Variants in INTS1 observed in about 807,000 individuals in gnomAD.
INTS1 encodes the protein integrator complex subunit 1.
A neutral mutation model predicts 241.6 loss-of-function variants in INTS1; 137 were observed. That is an observed-to-expected ratio of 0.57 (90% CI 0.49 to 0.65). The LOEUF (loss-of-function observed/expected upper bound fraction) is 0.65. Among genes scored for constraint, INTS1 ranks in the 30% least tolerant of loss-of-function variants. The pLI is 0.00. For missense variants in INTS1, 3,073 were observed against 3,032.2 expected, an observed-to-expected ratio of 1.01 and a Z score of -0.32; for synonymous variants, 1,692 against 1,337.8, an observed-to-expected ratio of 1.26 and a Z score of -5.78.
At position 1,470,466 on chromosome 7, in the gene INTS1, G is replaced by A. The variant is rs1044949706; in HGVS notation, c.*111C>T. 19 of 819,902 alleles carry A rather than the reference G, an allele frequency of 2.3e-5. No individual in the cohort carries two copies. The highest frequency in any genetic ancestry group is 1.8e-4 in the African/African-American group (10 of 56,160). 50.8% of individuals were successfully genotyped at this position (819,902 alleles called of 1,614,324 possible). A position where few individuals can be genotyped will look rare whatever the true frequency, so the allele number is the denominator to read the frequency against. The stretch of plus-strand genomic sequence containing the variant: ...GGCCTGCCTGGCCTCAGGGCTCGGC[G>A]CCCTCACCTCCTCGGACAGACCAGC... On this transcript the variant is annotated 3_prime_UTR_variant, in exon 48 of 48. Coordinates refer to ENST00000404767, the MANE Select transcript of INTS1 (RefSeq NM_001080453.3).
rs747551693 is a variant in INTS1, at chr7:1,476,213, C to T, written c.5378+16G>A. On this transcript the variant is annotated intron_variant, in intron 38 of 47. Transcript: ENST00000404767. Reference sequence around the variant, plus strand: ...CTCACTCCCAGGCAGCATCTGGGGCCGGGGGGCCTGAGCACCTGTCTCCCC... The same window carrying T: ...CTCACTCCCAGGCAGCATCTGGGGCTGGGGGGCCTGAGCACCTGTCTCCCC... 46 of 1,544,510 alleles carry T rather than the reference C, an allele frequency of 3.0e-5. No individual in the cohort carries two copies. Among genetic ancestry groups the T allele is most frequent in the Middle Eastern group, 1.7e-4 (1 of 5,790 alleles).
In INTS1 at chr7:1,478,506, A is replaced by G. The variant is rs150768574; in HGVS notation, c.4490T>C (p.Val1497Ala). 27 of 1,609,694 alleles carry G rather than the reference A, an allele frequency of 1.7e-5. No homozygotes were observed. The highest frequency in any genetic ancestry group is 6.7e-5 in the East Asian group (3 of 44,816). The change falls in exon 33 of 48, where the codon GTG becomes GCG. Residue 1497 changes from valine (V) to alanine (A), a missense_variant and splice_region_variant. By Grantham distance (64) the Val-to-Ala change is moderately conservative. Coordinates refer to ENST00000404767, the MANE Select transcript of INTS1 (RefSeq NM_001080453.3). ...GGCCAGGCGCAGGAGCCCCCCTCGC[A>G]CTGTGGGAGGTCTGTGTGAGTGCCC... ...QASAGRRLSD[V>A]RGGLLRLAEA... is the part of the protein sequence containing the mutation.
chr7:1,499,433 G>A (rs375753455), intron 6 of INTS1, 40 bp downstream of exon 6: 1 of 1,564,996 alleles, frequency 6.4e-7, no homozygotes, highest in Non-Finnish European at 8.7e-7. Flanking sequence ...CTGCCCTGGG[G>A]CTTGGACACC....
Position 1,473,078 on chromosome 7 carries a change from C to T in INTS1, c.6064G>A (p.Gly2022Ser). The T allele has an allele frequency of 6.2e-7, 1 of 1,602,634 alleles. No individual in the cohort carries two copies. The highest frequency in any genetic ancestry group is 8.5e-7 in the Non-Finnish European group (1 of 1,173,002). Residue 2022 changes from glycine (G) to serine (S), a missense_variant, in exon 43 of 48, where the codon GGC (glycine) becomes AGC (serine). Physicochemically the swap from Gly to Ser is moderately conservative, Grantham distance 56. Transcript: ENST00000404767. ...CCCTGGCAGCCCCACTCACCCTCGCCCTCTTCGTCCAGGCCTCGGTCGGTC... is the reference window on the plus strand; with the variant it reads ...CCCTGGCAGCCCCACTCACCCTCGCTCTCTTCGTCCAGGCCTCGGTCGGTC... ...DRTDRGLDEE[G>S]EEESSAGSLP...
intron 23 of INTS1, 28 bp from the exon 24 acceptor site, chr7:1,485,230 A>G (rs1049265443): frequency 6.3e-7 from 1 of 1,599,360 alleles, no homozygotes; most frequent in Non-Finnish European, 8.5e-7. Context: ...CTGAGCGGCA[A>G]CAGGGCAGGG....
chr7:1,480,159 G>A (rs749331228), intron 30 of INTS1, among the ~76,000 whole-genome samples, 158 bp downstream of exon 30: 1 of 152,276 alleles, frequency 6.6e-6, no homozygotes, highest in Non-Finnish European at 1.5e-5. Context: ...GCGTGCCAGG[G>A]TCAGGCGGTC....
chr7:1,474,251 C>T lies in INTS1; in HGVS notation c.5746G>A (p.Glu1916Lys). Reference sequence around the variant, plus strand: ...CGGAACACGTGCGGCTGCAGCAGCTCCAGCAGGCCCAGCACGTGCAGGAAG... The same window carrying T: ...CGGAACACGTGCGGCTGCAGCAGCTTCAGCAGGCCCAGCACGTGCAGGAAG... ...SCFLHVLGLL[E>K]LLQPHVFRSE... Residue 1916 changes from glutamate to lysine, a missense_variant, in exon 41 of 48, where the codon GAG becomes AAG. Physicochemically the swap from Glu to Lys is moderately conservative, Grantham distance 56. Coordinates refer to ENST00000404767, the MANE Select transcript of INTS1 (RefSeq NM_001080453.3). The T allele has an allele frequency of 6.2e-7, 1 of 1,605,510 alleles. No individual in the cohort carries two copies. The highest frequency in any genetic ancestry group is 8.5e-7 in the Non-Finnish European group (1 of 1,177,604).
At chr7:1,478,252 C>A (rs375870237) in intron 33 of INTS1, 114 bp downstream of exon 33, 3 of 1,231,480 alleles carry the variant, frequency 2.4e-6, no homozygotes, top group Non-Finnish European at 3.4e-6. Flanking sequence ...GGGCACTTTC[C>A]GGGGACAGTG....
rs953806025 is a variant in INTS1, at chr7:1,497,536, G to C, written c.1426-222C>G. 6.6e-6 allele frequency among the ~76,000 whole-genome samples: 1 copy of C among 152,124 alleles called. No homozygotes were observed. The highest frequency in any genetic ancestry group is 1.5e-5 in the Non-Finnish European group (1 of 68,024). ...TCTGAGAACCGGCAGGTGGGGAGTC[G>C]GTCCTCGTGAAATGAGGAGGATTAA... On this transcript the variant is annotated intron_variant, in intron 10 of 47. Coordinates refer to ENST00000404767, the MANE Select transcript of INTS1 (RefSeq NM_001080453.3). The surrounding 1 kb of genome is among the most constrained non-coding windows in gnomAD (Gnocchi z 5.3).
Position 1,474,178 on chromosome 7 carries a change from C to A in INTS1, c.5819G>T (p.Arg1940Leu). The part of the protein sequence containing the change: ...ALWDCLLSFI[R>L]LLLNYRKSSR... ...GGCGGGAGCACACACCAGCAGCAGG[C>A]GGATGAAGGACAGAAGGCAGTCCCA... Residue 1940 changes from arginine to leucine, a missense_variant, in exon 41 of 48, where the codon CGC becomes CTC. Transcript: ENST00000404767. 1 of 1,568,768 alleles carries A rather than the reference C, an allele frequency of 6.4e-7. No individual in the cohort carries two copies. The highest frequency in any genetic ancestry group is 1.1e-5 in the South Asian group (1 of 87,614).
At chr7:1,485,227 G>A (rs1327401440) in intron 23 of INTS1, 25 bp from the exon 24 acceptor site, 1 of 1,598,748 alleles carries the variant, frequency 6.3e-7, no homozygotes, top group Non-Finnish European at 8.5e-7. Context: ...GGTCTGAGCG[G>A]CAACAGGGCA....
At chr7:1,480,538 G>A in intron 29 of INTS1, 97 bp from the exon 30 acceptor site, 3 of 1,375,958 alleles carry the variant, frequency 2.2e-6, no homozygotes, top group Non-Finnish European at 3.0e-6. Context: ...CCCGGGGACT[G>A]TCACCCAGGA....
intron 3 of INTS1, 91 bp from the exon 4 acceptor site, chr7:1,500,457 GCT>G: frequency 7.3e-7 from 1 of 1,370,238 alleles, no homozygotes; most frequent in Non-Finnish European, 9.7e-7. Flanking sequence ...GGAACCCAGA[GCT>G]CTCAGGGTCG....
At chr7:1,480,529 C>T (rs557808132) in intron 29 of INTS1, 88 bp from the exon 30 acceptor site, 1,480 of 1,429,750 alleles carry the variant, frequency 1.0e-3, no homozygotes, top group Non-Finnish European at 1.3e-3. Context: ...CGAGTCCTGC[C>T]CGGGGACTGT....
At chr7:1,477,028 G>C (rs1781758038) in intron 35 of INTS1, 110 bp from the exon 36 acceptor site, 1 of 1,356,096 alleles carries the variant, frequency 7.4e-7, no homozygotes, top group African/African-American at 1.4e-5. Context: ...GAGGCTTGGG[G>C]TGCTGCCGGT....
Position 1,482,548 on chromosome 7 carries a change from G to C in INTS1, c.3701C>G (p.Ala1234Gly). The change falls in exon 27 of 48, where the codon GCC (alanine) becomes GGC (glycine). Residue 1234 changes from alanine to glycine, a missense_variant and splice_region_variant. Coordinates refer to ENST00000404767, the MANE Select transcript of INTS1 (RefSeq NM_001080453.3). ...IRSEVLRLVD[A>G]ALQDLEPQQL... is the part of the protein sequence containing the mutation. ...CCCAAGCCCAGCCTGGACCGTACCGGCGTCCACCAGGCGGAGCACCTCAGA... is the reference window on the plus strand; with the variant it reads ...CCCAAGCCCAGCCTGGACCGTACCGCCGTCCACCAGGCGGAGCACCTCAGA... 1.9e-6 allele frequency: 3 copies of C among 1,606,964 alleles called. No individual in the cohort carries two copies. The highest frequency in any genetic ancestry group is 2.6e-6 in the Non-Finnish European group (3 of 1,175,792).
At position 1,493,571 on chromosome 7, in the gene INTS1, G is replaced by A. The variant is rs1044376763; in HGVS notation, c.2068+183C>T. Among the ~76,000 whole-genome samples the A allele has an allele frequency of 2.0e-5, 3 of 149,834 alleles. No individual in the cohort carries two copies. The highest frequency in any genetic ancestry group is 1.3e-4 in the Admixed American group (2 of 15,226). Reference sequence around the variant, plus strand: ...GTGACTGCACCATTGCCAAATACACGCACGCTTCTGAATTCCCAACGGCAG... The same window carrying A: ...GTGACTGCACCATTGCCAAATACACACACGCTTCTGAATTCCCAACGGCAG... On this transcript the variant is annotated intron_variant, in intron 15 of 47. Transcript: ENST00000404767. This position sits in a 1 kb window ranked among gnomAD's most constrained non-coding sequence, Gnocchi z 5.3.
chr7:1,470,756 C>T (rs906923206), intron 47 of INTS1, 64 bp from the exon 48 acceptor site: 12 of 1,473,990 alleles, frequency 8.1e-6, no homozygotes, highest in Non-Finnish European at 1.0e-5. Flanking sequence ...AGTGACCAGA[C>T]CTCGGGACTC....
chr7:1,480,474 CACTT>C (rs914275597), intron 29 of INTS1, 33 bp from the exon 30 acceptor site: 1 of 1,604,028 alleles, frequency 6.2e-7, no homozygotes, highest in Non-Finnish European at 8.5e-7. Context: ...AGTGGCTGGA[CACTT>C]TCTGACCTGC....
Sources: allele counts gnomAD v4.1 joint callset (sites outside exome capture counted in the v4.1 genomes callset), GRCh38; gene constraint gnomAD v4.1.1; non-coding constraint Gnocchi (gnomAD v3.1); transcripts MANE v1.5; gene names NCBI Gene and HGNC (gene_info 2026-07-23, HGNC 2026-07-21).